Variants in RBFOX1 observed in about 807,000 individuals in gnomAD.
RBFOX1 encodes RNA binding protein fox-1 homolog 1.
In RBFOX1, 8 loss-of-function variants were observed where a neutral mutation model predicts 57.7. The ratio of observed to expected loss-of-function variants is 0.14; its 90% CI spans 0.08 to 0.25. The LOEUF is 0.25. RBFOX1 is among the 10% of genes least tolerant of loss of function. The pLI is 1.00. For synonymous variants in RBFOX1, 326 were observed against 222.4 expected (o/e 1.47, Z -4.15); for missense variants, 611 against 548.5 (o/e 1.11, Z -1.14).
chr16:6,978,363 C>G (rs536815423), intron 3 of RBFOX1, among the ~76,000 whole-genome samples: 15 of 152,284 alleles, frequency 9.9e-5, no homozygotes, highest in Non-Finnish European at 1.6e-4. Flanking sequence ...ATAATTAGAT[C>G]TAATTACTCA....
chr16:7,703,183 T>G (rs528662457), intron 14 of RBFOX1, among the ~76,000 whole-genome samples: 5 of 152,346 alleles, frequency 3.3e-5, no homozygotes, highest in African/African-American at 1.2e-4. Flanking sequence ...TTCCAAATAC[T>G]TAAGACTATG....
At chr16:7,704,283 A>G (rs1287451329) in intron 14 of RBFOX1, among the ~76,000 whole-genome samples, 1 of 152,250 alleles carries the variant, frequency 6.6e-6, no homozygotes, top group African/African-American at 2.4e-5. Context: ...ATTAGCCAGG[A>G]AAGCAGTCCT....
chr16:7,045,501 G>C (rs1166093914), intron 3 of RBFOX1, among the ~76,000 whole-genome samples: 1 of 152,156 alleles, frequency 6.6e-6, no homozygotes, highest in African/African-American at 2.4e-5. Flanking sequence ...TCTGCAATAG[G>C]AATATGATAA....
At chr16:7,254,957 G>A (rs905936423) in intron 4 of RBFOX1, among the ~76,000 whole-genome samples, 11 of 152,062 alleles carry the variant, frequency 7.2e-5, no homozygotes, top group African/African-American at 1.2e-4. Flanking sequence ...TGGCTCAACC[G>A]TTAATAAGAA....
At chr16:7,312,910 C>T (rs2096350036) in intron 4 of RBFOX1, among the ~76,000 whole-genome samples, 1 of 151,834 alleles carries the variant, frequency 6.6e-6, no homozygotes, top group African/African-American at 2.4e-5. Flanking sequence ...TCTGGCGGAG[C>T]TCTCTGGGGG....
chr16:5,970,903 C>A (rs2059948704), intron 4 of RBFOX1, among the ~76,000 whole-genome samples: 1 of 152,178 alleles, frequency 6.6e-6, no homozygotes. Context: ...TGACTGTTGT[C>A]AAGCATGTGT....
intron 2 of RBFOX1, among the ~76,000 whole-genome samples, chr16:6,337,137 C>A (rs1238762307): frequency 1.3e-5 from 2 of 152,098 alleles, no homozygotes; most frequent in Non-Finnish European, 2.9e-5. Context: ...TTATATTTAT[C>A]CATGTTATGA....
At chr16:6,225,602 C>G (rs1340842495) in intron 1 of RBFOX1, among the ~76,000 whole-genome samples, 1 of 152,126 alleles carries the variant, frequency 6.6e-6, no homozygotes, top group African/African-American at 2.4e-5. Flanking sequence ...TAACTTCTGC[C>G]ACAATGAAAA....
intron 2 of RBFOX1, among the ~76,000 whole-genome samples, chr16:6,575,119 G>A (rs943170187): frequency 1.3e-4 from 19 of 151,386 alleles, no homozygotes; most frequent in African/African-American, 3.6e-4. Context: ...GGGTCTCCCC[G>A]CAAGGCGACA....
chr16:7,212,442 A>C (rs530879155), intron 4 of RBFOX1, among the ~76,000 whole-genome samples: 1 of 152,144 alleles, frequency 6.6e-6, no homozygotes, highest in Admixed American at 6.5e-5. Context: ...GAATAGGCAT[A>C]CTTGTATCCA....
At chr16:7,016,724 A>G (rs2093934102) in intron 3 of RBFOX1, among the ~76,000 whole-genome samples, 1 of 152,128 alleles carries the variant, frequency 6.6e-6, no homozygotes, top group African/African-American at 2.4e-5. Context: ...TCTTTTTTCT[A>G]AAGTGGAGTT....
intron 3 of RBFOX1, among the ~76,000 whole-genome samples, chr16:6,816,221 A>G (rs972162066): frequency 3.9e-5 from 6 of 152,190 alleles, no homozygotes; most frequent in Admixed American, 1.3e-4. Context: ...TGAGGTGAGG[A>G]TTGCTTCAGT....
chr16:5,349,084 T>A (rs1209311146), intron 1 of RBFOX1, among the ~76,000 whole-genome samples: 1 of 152,222 alleles, frequency 6.6e-6, no homozygotes, highest in Admixed American at 6.5e-5. Context: ...GCCGTTGTTA[T>A]CTGCAATGGA....
At chr16:6,046,053 A>G (rs2095492130) in intron 1 of RBFOX1, among the ~76,000 whole-genome samples, 1 of 152,236 alleles carries the variant, frequency 6.6e-6, no homozygotes, top group African/African-American at 2.4e-5. Context: ...TGCTTTTCTA[A>G]GCACCATAGG....
chr16:6,592,177 C>T (rs761369342), intron 2 of RBFOX1, among the ~76,000 whole-genome samples: 7 of 152,160 alleles, frequency 4.6e-5, no homozygotes, highest in African/African-American at 9.7e-5. Context: ...CCTCCTTTAA[C>T]GTCTCTGCAA....
chr16:7,505,632 A>G (rs2073026411), intron 4 of RBFOX1, among the ~76,000 whole-genome samples: 1 of 152,236 alleles, frequency 6.6e-6, no homozygotes, highest in African/African-American at 2.4e-5. Flanking sequence ...ATGGAAAATC[A>G]GGATGGAACA....
intron 3 of RBFOX1, among the ~76,000 whole-genome samples, chr16:6,791,347 T>G (rs1454973369): frequency 1.3e-5 from 2 of 152,238 alleles, no homozygotes; most frequent in African/African-American, 4.8e-5. Context: ...TTTAAAATAC[T>G]TTGCATCAAA....
At chr16:6,309,705 G>A (rs753026289) in intron 1 of RBFOX1, among the ~76,000 whole-genome samples, 5 of 152,060 alleles carry the variant, frequency 3.3e-5, no homozygotes, top group Non-Finnish European at 5.9e-5. Context: ...GGTCCCTAGA[G>A]CTTCGGGGAG....
chr16:7,429,226 C>T (rs887122737), intron 4 of RBFOX1, among the ~76,000 whole-genome samples: 1 of 152,212 alleles, frequency 6.6e-6, no homozygotes, highest in East Asian at 1.9e-4. Context: ...GCAACATCCT[C>T]TCTCTGGTCA....
Sources: gnomAD v4.1 joint callset for allele counts (sites outside exome capture counted in the v4.1 genomes callset) on GRCh38, gnomAD v4.1.1 for gene constraint, MANE v1.5 for transcripts, NCBI Gene and HGNC (gene_info 2026-07-23, HGNC 2026-07-21) for gene names.